Variants in CDK14 observed in about 807,000 individuals in gnomAD.
CDK14 encodes the protein cyclin-dependent kinase 14.
A neutral mutation model predicts 60.7 loss-of-function variants in CDK14; 34 were observed. That is an observed-to-expected ratio of 0.56 (90% CI 0.43 to 0.75). The LOEUF (loss-of-function observed/expected upper bound fraction) is 0.75, where lower values mean the gene tolerates loss of function less well. Among genes scored for constraint, CDK14 ranks in the 30% least tolerant of loss-of-function variants. The probability of loss-of-function intolerance (pLI) is 0.00; values close to 1 mark genes in which losing one functional copy is unlikely to be tolerated. For missense variants in CDK14, 482 were observed against 564.1 expected, an observed-to-expected ratio of 0.85 and a Z score of 1.47; for synonymous variants, 197 against 203.7, an observed-to-expected ratio of 0.97 and a Z score of 0.28.
At chr7:90,894,777 G>A (rs1483602717) in intron 6 of CDK14, among the ~76,000 whole-genome samples, 3 of 152,106 alleles carry the variant, frequency 2.0e-5, no homozygotes, top group African/African-American at 2.4e-5. Context: ...CACCATAAAT[G>A]TTCTTTTGTA....
intron 9 of CDK14, among the ~76,000 whole-genome samples, chr7:90,964,912 T>A (rs1170538304): frequency 6.6e-6 from 1 of 152,242 alleles, no homozygotes; most frequent in African/African-American, 2.4e-5. Flanking sequence ...ACTTAATAAC[T>A]GTCTGTGATT....
intron 14 of CDK14, among the ~76,000 whole-genome samples, chr7:91,184,247 G>A (rs1395846607): frequency 4.8e-5 from 6 of 126,308 alleles, no homozygotes; most frequent in Non-Finnish European, 9.7e-5. Flanking sequence ...CGCCACCGCC[G>A]CACTTCCAGC....
At chr7:90,663,095 AACAC>A (rs111918409) in intron 2 of CDK14, among the ~76,000 whole-genome samples, 27,171 of 131,552 alleles carry the variant, frequency 0.21, 2,524 homozygotes, top group South Asian at 0.25. Context: ...CTAAGATGGG[AACAC>A]ACACACACAC....
At chr7:90,815,519 A>C (rs1789311949) in intron 5 of CDK14, among the ~76,000 whole-genome samples, 1 of 152,228 alleles carries the variant, frequency 6.6e-6, no homozygotes, top group Non-Finnish European at 1.5e-5. Context: ...CAATTCCTCA[A>C]GGACCTAGAA....
chr7:90,708,333 G>A (rs1419974279), intron 2 of CDK14, among the ~76,000 whole-genome samples: 1 of 152,128 alleles, frequency 6.6e-6, no homozygotes, highest in Non-Finnish European at 1.5e-5. Context: ...AGGTGTCTTT[G>A]TGGGCTGGAG....
intron 14 of CDK14, among the ~76,000 whole-genome samples, chr7:91,204,241 T>C (rs1242964239): frequency 6.6e-6 from 1 of 152,060 alleles, no homozygotes; most frequent in Non-Finnish European, 1.5e-5. Context: ...GAATAGAAGG[T>C]TACCCCTACC....
At chr7:91,049,256 CCTTT>C (rs1179063324) in intron 11 of CDK14, among the ~76,000 whole-genome samples, 1 of 152,148 alleles carries the variant, frequency 6.6e-6, no homozygotes, top group African/African-American at 2.4e-5. Context: ...GAAAAATGAT[CCTTT>C]CTAATTTTTA....
intron 14 of CDK14, among the ~76,000 whole-genome samples, chr7:91,135,565 G>A (rs1800255037): frequency 6.6e-6 from 1 of 152,140 alleles, no homozygotes; most frequent in Non-Finnish European, 1.5e-5. Context: ...CCTGCAAAGA[G>A]GGTTTAATCC....
chr7:90,657,046 A>G (rs1010195308), intron 2 of CDK14, among the ~76,000 whole-genome samples: 12 of 150,766 alleles, frequency 8.0e-5, no homozygotes, highest in African/African-American at 2.9e-4. Context: ...TTTCTAAAAA[A>G]TATAATTTAT....
At chr7:90,686,931 A>G (rs1455026597) in intron 2 of CDK14, among the ~76,000 whole-genome samples, 1 of 152,134 alleles carries the variant, frequency 6.6e-6, no homozygotes, top group Non-Finnish European at 1.5e-5. Context: ...AAGATGAGAA[A>G]CTCTAACCAA....
At chr7:90,671,299 T>C (rs1233335044) in intron 2 of CDK14, among the ~76,000 whole-genome samples, 2 of 152,026 alleles carry the variant, frequency 1.3e-5, no homozygotes, top group African/African-American at 4.8e-5. Context: ...CTTTTTTTTT[T>C]TTCTTTTTTC....
In CDK14 at chr7:90,740,966, G is replaced by A. The variant is rs1025172693; in HGVS notation, c.370-6715G>A. On this transcript the variant is annotated intron_variant, in intron 3 of 14. Transcript: ENST00000380050. ...TATTTATATTAGAGTAAATGATGCC[G>A]ACAGTGTTATGTAGCTCTAGGAGCT... Among the ~76,000 whole-genome samples the A allele has an allele frequency of 3.3e-5, 5 of 152,142 alleles. No homozygotes were observed. The South Asian group carries it at 6.2e-4, about 19-fold the overall frequency.
At chr7:90,639,430 C>T (rs1022842926) in intron 2 of CDK14, among the ~76,000 whole-genome samples, 3 of 152,140 alleles carry the variant, frequency 2.0e-5, no homozygotes, top group Admixed American at 6.5e-5. Context: ...GCAGTGGTGT[C>T]TGCAGAACCG....
At chr7:90,778,912 TCTC>T (rs1805179240) in intron 4 of CDK14, among the ~76,000 whole-genome samples, 4 of 144,900 alleles carry the variant, frequency 2.8e-5, no homozygotes, top group African/African-American at 1.0e-4. Flanking sequence ...TTCTCTCTCC[TCTC>T]TCTTTTCTCT....
At chr7:90,972,713 A>ATT (rs1209992346) in intron 9 of CDK14, among the ~76,000 whole-genome samples, 3 of 152,204 alleles carry the variant, frequency 2.0e-5, no homozygotes, top group African/African-American at 7.2e-5. Context: ...AATCTAACTT[A>ATT]TTTCAGTGAT....
At chr7:90,672,894 G>A (rs1801125863) in intron 2 of CDK14, among the ~76,000 whole-genome samples, 1 of 152,028 alleles carries the variant, frequency 6.6e-6, no homozygotes, top group Admixed American at 6.6e-5. Flanking sequence ...GACTAATGTA[G>A]CTATAAACAT....
intron 2 of CDK14, among the ~76,000 whole-genome samples, chr7:90,655,122 A>G (rs1800724913): frequency 6.6e-6 from 1 of 152,198 alleles, no homozygotes; most frequent in Non-Finnish European, 1.5e-5. Flanking sequence ...ACTTAGCAGT[A>G]TACACTTAAG....
chr7:91,054,972 A>G (rs981409942), intron 11 of CDK14, among the ~76,000 whole-genome samples: 28 of 152,180 alleles, frequency 1.8e-4, no homozygotes, highest in Non-Finnish European at 2.9e-4. Flanking sequence ...AAAGACCTAC[A>G]GGCTACAAAA....
intron 2 of CDK14, among the ~76,000 whole-genome samples, chr7:90,619,605 A>T (rs1439095300): frequency 6.6e-6 from 1 of 152,162 alleles, no homozygotes; most frequent in African/African-American, 2.4e-5. Flanking sequence ...ATTGTATCGT[A>T]ATTTCTGTTG....
Sources: gnomAD v4.1 joint callset for allele counts (sites outside exome capture counted in the v4.1 genomes callset) on GRCh38, gnomAD v4.1.1 for gene constraint, MANE v1.5 for transcripts, NCBI Gene and HGNC (gene_info 2026-07-23, HGNC 2026-07-21) for gene names.